TMEM132C: variants seen among roughly 807,000 people sequenced by gnomAD.
TMEM132C encodes the protein protein phosphatase 1, regulatory subunit 152.
A neutral mutation model predicts 61.4 loss-of-function variants in TMEM132C; 29 were observed. That is an observed-to-expected ratio of 0.47 (90% CI 0.35 to 0.64). The LOEUF (loss-of-function observed/expected upper bound fraction) is 0.64. Ranked by LOEUF, TMEM132C falls within the 30% of genes least tolerant of loss-of-function variation. The pLI is 0.00. For missense variants in TMEM132C, 1,408 were observed against 1,476.9 expected (o/e 0.95, Z 0.76); for synonymous variants, 656 against 633.1 (o/e 1.04, Z -0.54).
At chr12:128,410,756 A>G (rs1007641497) in intron 1 of TMEM132C, among the ~76,000 whole-genome samples, 3 of 152,208 alleles carry the variant, frequency 2.0e-5, no homozygotes, top group Non-Finnish European at 2.9e-5. Flanking sequence ...GTATAGTACA[A>G]TTATCAAAAT....
At chr12:128,603,927 ACCCCACT>A (rs1285784718) in intron 3 of TMEM132C, among the ~76,000 whole-genome samples, 2 of 152,078 alleles carry the variant, frequency 1.3e-5, no homozygotes, top group Non-Finnish European at 2.9e-5. Context: ...ACAGGGAAGA[ACCCCACT>A]TGTGGTTGGG....
intron 3 of TMEM132C, among the ~76,000 whole-genome samples, chr12:128,562,087 AC>A (rs1329153239): frequency 3.3e-5 from 5 of 151,938 alleles, no homozygotes; most frequent in Admixed American, 6.6e-5. Context: ...ACCACCATCT[AC>A]CCCAAACTAC....
At chr12:128,469,247 A>G (rs1460014459) in intron 2 of TMEM132C, among the ~76,000 whole-genome samples, 3 of 152,042 alleles carry the variant, frequency 2.0e-5, no homozygotes, top group Non-Finnish European at 4.4e-5. Context: ...TCATTTTTTG[A>G]TCATGCACAG....
chr12:128,354,966 A>G (rs1329235336), intron 1 of TMEM132C, among the ~76,000 whole-genome samples: 1 of 152,198 alleles, frequency 6.6e-6, no homozygotes, highest in Non-Finnish European at 1.5e-5. Context: ...CCACTACCTA[A>G]GAGAATCACT....
intron 4 of TMEM132C, among the ~76,000 whole-genome samples, chr12:128,650,596 G>A (rs1339364586): frequency 2.6e-5 from 4 of 152,070 alleles, no homozygotes; most frequent in Non-Finnish European, 1.5e-5. Flanking sequence ...GGCAAGGATA[G>A]TGCATGCCTG....
At chr12:128,587,639 A>C (rs1235069529) in intron 3 of TMEM132C, among the ~76,000 whole-genome samples, 2 of 152,182 alleles carry the variant, frequency 1.3e-5, no homozygotes, top group Non-Finnish European at 2.9e-5. Flanking sequence ...CATCTATTGC[A>C]CTCTCAGATT....
At chr12:128,284,212 T>G (rs1870986154) in intron 1 of TMEM132C, among the ~76,000 whole-genome samples, 1 of 152,156 alleles carries the variant, frequency 6.6e-6, no homozygotes, top group Non-Finnish European at 1.5e-5. Context: ...CATATCTATA[T>G]CCTATTGGTT....
intron 1 of TMEM132C, among the ~76,000 whole-genome samples, chr12:128,272,652 A>G (rs182784778): frequency 1.8e-3 from 268 of 152,314 alleles, no homozygotes; most frequent in African/African-American, 6.2e-3. Context: ...GTTGGTTTGT[A>G]TCTTCAGCAG....
chr12:128,619,101 A>T (rs113087728), intron 4 of TMEM132C, among the ~76,000 whole-genome samples: 8 of 152,274 alleles, frequency 5.3e-5, no homozygotes, highest in African/African-American at 1.7e-4. Context: ...TGAGAAATTT[A>T]AAAAAAATTA....
intron 2 of TMEM132C, among the ~76,000 whole-genome samples, chr12:128,467,753 T>C (rs137965372): frequency 2.0e-5 from 3 of 152,318 alleles, no homozygotes; most frequent in Non-Finnish European, 2.9e-5. Flanking sequence ...CAGCTGCATC[T>C]GGAGCAAGCT....
At chr12:128,370,135 G>T (rs960723689) in intron 1 of TMEM132C, among the ~76,000 whole-genome samples, 1 of 152,072 alleles carries the variant, frequency 6.6e-6, no homozygotes, top group African/African-American at 2.4e-5. Context: ...ACTTCCTGGG[G>T]GCCTGAGCTT....
intron 1 of TMEM132C, among the ~76,000 whole-genome samples, chr12:128,315,666 A>G (rs1872129960): frequency 6.6e-6 from 1 of 152,092 alleles, no homozygotes; most frequent in African/African-American, 2.4e-5. Context: ...TCCATGTAGG[A>G]TCTCATGTGA....
chr12:128,526,143 C>A (rs1039541918), intron 2 of TMEM132C, among the ~76,000 whole-genome samples: 7 of 151,942 alleles, frequency 4.6e-5, no homozygotes, highest in South Asian at 2.1e-4. Flanking sequence ...TGCCATGTGC[C>A]AGGAGCTCTT....
chr12:128,301,305 C>G (rs963908749), intron 1 of TMEM132C, among the ~76,000 whole-genome samples: 1 of 152,158 alleles, frequency 6.6e-6, no homozygotes, highest in African/African-American at 2.4e-5. Flanking sequence ...GCTCTCCAGA[C>G]CTCAGTTCTA....
At chr12:128,303,695 T>C (rs1871670158) in intron 1 of TMEM132C, among the ~76,000 whole-genome samples, 1 of 152,238 alleles carries the variant, frequency 6.6e-6, no homozygotes, top group Non-Finnish European at 1.5e-5. Context: ...TCCTCGCTGC[T>C]GCTAGGCTTG....
intron 2 of TMEM132C, among the ~76,000 whole-genome samples, chr12:128,507,318 G>C (rs1380371028): frequency 6.6e-6 from 1 of 151,912 alleles, no homozygotes; most frequent in Admixed American, 6.6e-5. Flanking sequence ...GAGATTTTAG[G>C]ATCGAGAGAG....
intron 2 of TMEM132C, among the ~76,000 whole-genome samples, chr12:128,437,576 C>G (rs1261376580): frequency 6.6e-6 from 1 of 152,130 alleles, no homozygotes; most frequent in Non-Finnish European, 1.5e-5. Context: ...TATGTCTCTG[C>G]CTTTTCAAGG....
At chr12:128,418,400 G>C (rs1466731891) in intron 2 of TMEM132C, among the ~76,000 whole-genome samples, 1 of 152,170 alleles carries the variant, frequency 6.6e-6, no homozygotes, top group Admixed American at 6.5e-5. Flanking sequence ...AAAATGATTG[G>C]CAGGCAACAG....
intron 6 of TMEM132C, among the ~76,000 whole-genome samples, chr12:128,694,870 A>G (rs375436114): frequency 1.3e-5 from 2 of 152,246 alleles, no homozygotes; most frequent in African/African-American, 2.4e-5. Context: ...CTGAGGGGGA[A>G]GAATTAAGAC....
Sources: allele counts gnomAD v4.1 joint callset (sites outside exome capture counted in the v4.1 genomes callset), GRCh38; gene constraint gnomAD v4.1.1; transcripts MANE v1.5; gene names NCBI Gene and HGNC (gene_info 2026-07-23, HGNC 2026-07-21).